The following CCDC175 variants were observed in gnomAD, a reference collection of about 807,000 sequenced individuals.
CCDC175 encodes coiled-coil domain-containing protein 175.
In CCDC175, 100 loss-of-function variants were observed where a neutral mutation model predicts 114.6. The ratio of observed to expected loss-of-function variants is 0.87; its 90% CI spans 0.74 to 1.03. The LOEUF (loss-of-function observed/expected upper bound fraction) is 1.03, where lower values mean the gene tolerates loss of function less well. Among genes scored for constraint, CCDC175 ranks in the 50% least tolerant of loss-of-function variants. The pLI is 0.00. For missense variants in CCDC175, 880 were observed against 917.8 expected (o/e 0.96, Z 0.53); for synonymous variants, 306 against 308.7 (o/e 0.99, Z 0.09).
At chr14:59,555,431 C>G (rs1406534186) in intron 7 of CCDC175, among the ~76,000 whole-genome samples, 4 of 152,186 alleles carry the variant, frequency 2.6e-5, no homozygotes, top group Admixed American at 2.6e-4. Context: ...ATGCTAAAAA[C>G]TCTCAATAAA....
At chr14:59,507,118 T>G (rs939749304) in intron 19 of CCDC175, among the ~76,000 whole-genome samples, 5 of 152,206 alleles carry the variant, frequency 3.3e-5, no homozygotes, top group Admixed American at 2.6e-4. Context: ...AGTAATTAGT[T>G]TTCAGGAAGA....
chr14:59,533,174 T>C (rs1172451907), intron 13 of CCDC175, among the ~76,000 whole-genome samples: 1 of 152,154 alleles, frequency 6.6e-6, no homozygotes, highest in African/African-American at 2.4e-5. Context: ...CCCATGTTCA[T>C]ATAGGAACTA....
rs1158430353 is a variant in CCDC175, at chr14:59,543,418, T to A, written c.1209A>T (p.Glu403Asp). 5.5e-6 allele frequency: 8 copies of A among 1,467,868 alleles called. No homozygotes were observed. The highest frequency in any genetic ancestry group is 4.2e-5 in the African/African-American group (3 of 70,844). 90.9% of individuals were successfully genotyped at this position (1,467,868 alleles called of 1,614,324 possible). ...QKQLTFISQKEYFLSQKRVDI... is the reference protein window; with the variant it reads ...QKQLTFISQKDYFLSQKRVDI... ...CTACTCTCTTTTGTGACAGAAAGTATTCTTTCTGAGAAATAAATGTCAGCT... is the reference window on the plus strand; with the variant it reads ...CTACTCTCTTTTGTGACAGAAAGTAATCTTTCTGAGAAATAAATGTCAGCT... Residue 403 changes from glutamate (E) to aspartate (D), a missense_variant, in exon 10 of 20, where the codon GAA becomes GAT. Transcript: ENST00000537690.
intron 16 of CCDC175, among the ~76,000 whole-genome samples, chr14:59,523,814 C>T (rs1377477562): frequency 6.6e-6 from 1 of 152,012 alleles, no homozygotes; most frequent in Non-Finnish European, 1.5e-5. Context: ...ACGGTGAAAC[C>T]CCGTCTCTAC....
At chr14:59,537,911 C>G (rs1040238631) in intron 13 of CCDC175, 112 bp downstream of exon 13, 3 of 668,498 alleles carry the variant, frequency 4.5e-6, no homozygotes, top group Non-Finnish European at 6.8e-6. Flanking sequence ...TAGCCTCTTT[C>G]ATACTAGAAT....
At chr14:59,510,943 T>C (rs904044032) in intron 18 of CCDC175, 135 bp from the exon 19 acceptor site, 1 of 711,164 alleles carries the variant, frequency 1.4e-6, no homozygotes, top group African/African-American at 1.8e-5. Context: ...TAAGTGCTTG[T>C]GTACACAGCC....
intron 4 of CCDC175, 102 bp from the exon 5 acceptor site, chr14:59,565,377 ATACTTATTTT>A: frequency 1.1e-6 from 1 of 924,358 alleles, no homozygotes. Flanking sequence ...AGTGTAAGGA[ATACTTATTTT>A]ATGACTGTGT....
At chr14:59,539,003 T>C (rs1234728335) in intron 11 of CCDC175, among the ~76,000 whole-genome samples, 163 bp from the exon 12 acceptor site, 2 of 152,316 alleles carry the variant, frequency 1.3e-5, no homozygotes, top group East Asian at 3.9e-4. Context: ...AGACAAAACA[T>C]TAACTGCCTC....
chr14:59,506,455 T>G (rs541466637), intron 19 of CCDC175, among the ~76,000 whole-genome samples: 46 of 152,052 alleles, frequency 3.0e-4, no homozygotes, highest in African/African-American at 1.1e-3. Context: ...ACCCAGCTAA[T>G]TTTTGTATTT....
intron 13 of CCDC175, among the ~76,000 whole-genome samples, chr14:59,533,806 G>A (rs564670447): frequency 6.6e-6 from 1 of 151,848 alleles, no homozygotes; most frequent in Non-Finnish European, 1.5e-5. Flanking sequence ...GGCTAACATG[G>A]TGAAACCCCG....
chr14:59,552,913 G>GA (rs1353369852), intron 7 of CCDC175, among the ~76,000 whole-genome samples: 1 of 152,124 alleles, frequency 6.6e-6, no homozygotes, highest in African/African-American at 2.4e-5. Flanking sequence ...GAAGTTTAGA[G>GA]AAAAAACAGT....
intron 11 of CCDC175, among the ~76,000 whole-genome samples, chr14:59,539,624 A>G (rs754039928): frequency 1.4e-5 from 2 of 145,878 alleles, no homozygotes; most frequent in Non-Finnish European, 3.0e-5. Context: ...ACATTCAATA[A>G]TAACATTGGC....
At position 59,511,775 on chromosome 14, in the gene CCDC175, A is replaced by T; in HGVS notation, c.2127T>A (p.Phe709Leu). 1 of 1,536,542 alleles carries T rather than the reference A, an allele frequency of 6.5e-7. No individual in the cohort carries two copies. The highest frequency in any genetic ancestry group is 8.7e-7 in the Non-Finnish European group (1 of 1,146,288). Residue 709 changes from phenylalanine (F) to leucine (L), a missense_variant, in exon 18 of 20, where the codon TTT (phenylalanine) becomes TTA (leucine). Coordinates refer to ENST00000537690, the MANE Select transcript of CCDC175 (RefSeq NM_001164399.2). ...CAAAACTCACCTTAACTGTGGTCTGAAATTCAGCCCACAAATCCTTATATT... is the reference window on the plus strand; with the variant it reads ...CAAAACTCACCTTAACTGTGGTCTGTAATTCAGCCCACAAATCCTTATATT... Reference protein sequence around the residue: ...EAQYKDLWAEFQTTVKILVDN... With the variant: ...EAQYKDLWAELQTTVKILVDN...
rs1235625613 is a variant in CCDC175, at chr14:59,525,365, T to C, written c.1912A>G (p.Thr638Ala). Residue 638 changes from threonine (T) to alanine (A), a missense_variant, in exon 16 of 20, where the codon ACT (threonine) becomes GCT (alanine). By Grantham distance (58) the Thr-to-Ala change is moderately conservative. Transcript: ENST00000537690. ...ESKKNKDHFE[T>A]LKNLENGFYI... ...AATCCATTTTCTAAGTTCTTTAGAG[T>C]TTCAAAATGATCTTTGTTTTTTTTG... 57 of 1,520,558 alleles carry C rather than the reference T, an allele frequency of 3.7e-5. No individual in the cohort carries two copies. Among genetic ancestry groups the C allele is most frequent in the Non-Finnish European group, 4.6e-5 (53 of 1,140,426 alleles). The allele number at this position is 1,520,558 out of a possible 1,614,324, so 94.2% of individuals were successfully genotyped here. A position where few individuals can be genotyped will look rare whatever the true frequency, so the allele number is the denominator to read the frequency against.
chr14:59,516,916 C>A (rs1893126612), intron 17 of CCDC175, among the ~76,000 whole-genome samples: 3 of 152,026 alleles, frequency 2.0e-5, no homozygotes, highest in Admixed American at 2.0e-4. Flanking sequence ...TGCAAAAATC[C>A]TCACTAAAAT....
intron 19 of CCDC175, among the ~76,000 whole-genome samples, chr14:59,506,291 C>CTT (rs1383190546): frequency 4.6e-5 from 5 of 109,606 alleles, no homozygotes; most frequent in Admixed American, 1.9e-4. Flanking sequence ...TTTTTTTTTT[C>CTT]TTTTTTTTTT....
At position 59,538,833 on chromosome 14, in the gene CCDC175, T is replaced by TTA. The variant is rs1894575888; in HGVS notation, c.1361_1362dup (p.Thr455Ter). 1 of 1,534,902 alleles carries TTA rather than the reference T, an allele frequency of 6.5e-7. No individual in the cohort carries two copies. The highest frequency in any genetic ancestry group is 1.4e-5 in the African/African-American group (1 of 73,034). On this transcript the variant is annotated frameshift_variant, in exon 12 of 20. Transcript: ENST00000537690. LOFTEE classifies it high-confidence loss of function. ...CTCAAGCAAGCCATTTTCCACTGAG[T>TTA]TATAACACTAGAGATTAGAGCAAAA... is the stretch of plus-strand genomic sequence containing the variant.
At chr14:59,551,958 C>T (rs1895528022) in intron 7 of CCDC175, among the ~76,000 whole-genome samples, 1 of 152,256 alleles carries the variant, frequency 6.6e-6, no homozygotes, top group Non-Finnish European at 1.5e-5. Flanking sequence ...AATAGGTAAA[C>T]AAAGCGGCCT....
intron 2 of CCDC175, among the ~76,000 whole-genome samples, 156 bp downstream of exon 2, chr14:59,574,787 A>C (rs1897016928): frequency 6.6e-6 from 1 of 152,236 alleles, no homozygotes; most frequent in African/African-American, 2.4e-5. Context: ...ATAATTGTGC[A>C]AATCCTTACA....
Sources: allele counts gnomAD v4.1 joint callset (sites outside exome capture counted in the v4.1 genomes callset), GRCh38; gene constraint gnomAD v4.1.1; transcripts MANE v1.5; gene names NCBI Gene and HGNC (gene_info 2026-07-23, HGNC 2026-07-21).